CCDC178: variants seen among roughly 807,000 people sequenced by gnomAD.
CCDC178 encodes coiled-coil domain containing 178, also known as coiled-coil domain-containing protein 178.
Under a neutral mutation model 117.4 loss-of-function variants are expected in CCDC178, and 126 were observed. The observed-to-expected ratio is 1.07, with a 90% CI of 0.93 to 1.24. CCDC178 has a LOEUF of 1.24. CCDC178 is among the 50% of genes most tolerant of loss of function. The probability of loss-of-function intolerance (pLI) is 0.00; values close to 1 mark genes in which losing one functional copy is unlikely to be tolerated. For missense variants in CCDC178, 1,030 were observed against 986.9 expected (o/e 1.04, Z -0.59); for synonymous variants, 283 against 313.4 (o/e 0.90, Z 1.02).
chr18:33,417,533 T>TAA (rs1491256125), intron 2 of CCDC178, among the ~76,000 whole-genome samples: 1 of 39,448 alleles, frequency 2.5e-5, no homozygotes, highest in East Asian at 8.5e-4. Context: ...CACAGAGCTG[T>TAA]ATACACACAC....
chr18:33,408,249 A>G (rs1175248371), intron 3 of CCDC178, among the ~76,000 whole-genome samples: 1 of 152,026 alleles, frequency 6.6e-6, no homozygotes, highest in Non-Finnish European at 1.5e-5. Flanking sequence ...CAAACCATAA[A>G]AAAAATTAAT....
In CCDC178 at chr18:32,982,549, T is replaced by C. The variant is rs541638200; in HGVS notation, c.2389-7868A>G. On this transcript the variant is annotated intron_variant, in intron 21 of 22. Transcript: ENST00000383096. ...CATACAACTGCTGGATTCAAATCTGTGAAAGGGATTTTTGAAAATACCTTA... is the reference window on the plus strand; with the variant it reads ...CATACAACTGCTGGATTCAAATCTGCGAAAGGGATTTTTGAAAATACCTTA... Among the ~76,000 whole-genome samples, 6 of 152,282 alleles carry C rather than the reference T, an allele frequency of 3.9e-5. No homozygotes were observed. The South Asian group carries it at 1.2e-3, about 32-fold the overall frequency.
At chr18:33,284,887 T>G (rs2060078146) in intron 12 of CCDC178, among the ~76,000 whole-genome samples, 1 of 151,664 alleles carries the variant, frequency 6.6e-6, no homozygotes, top group Admixed American at 6.6e-5. Flanking sequence ...GAAATGCAAC[T>G]GTACTGTAGC....
At chr18:33,289,822 A>G (rs2060145494) in intron 12 of CCDC178, among the ~76,000 whole-genome samples, 1 of 152,164 alleles carries the variant, frequency 6.6e-6, no homozygotes, top group African/African-American at 2.4e-5. Flanking sequence ...GGAAAATTGA[A>G]TATATGTCAG....
chr18:33,216,451 A>G (rs1316784233), intron 18 of CCDC178, among the ~76,000 whole-genome samples: 1 of 152,010 alleles, frequency 6.6e-6, no homozygotes, highest in Non-Finnish European at 1.5e-5. Context: ...TTTGTGTTCA[A>G]ATGGAACTGA....
intron 20 of CCDC178, among the ~76,000 whole-genome samples, chr18:33,192,421 G>T (rs2058869796): frequency 6.6e-6 from 1 of 152,116 alleles, no homozygotes; most frequent in South Asian, 2.1e-4. Flanking sequence ...ACTTAATAGA[G>T]ACATGGAGAC....
At chr18:33,093,987 A>G (rs916102510) in intron 20 of CCDC178, among the ~76,000 whole-genome samples, 5 of 152,028 alleles carry the variant, frequency 3.3e-5, no homozygotes, top group Non-Finnish European at 5.9e-5. Context: ...CCCTTAGTAT[A>G]AGTTGTTAAA....
rs538783323 is a variant in CCDC178 at position 33,230,350 on chromosome 18, G to A, written c.1594-3495C>T. 8.5e-5 allele frequency among the ~76,000 whole-genome samples: 13 copies of A among 152,158 alleles called. No individual in the cohort carries two copies. The South Asian group carries it at 2.5e-3, about 29-fold the overall frequency. ...TGATAAAACCGAGGTCTAAGGTCAT[G>A]GAATTTGTCACAGGACCAGTCTTCA... On this transcript the variant is annotated intron_variant, in intron 15 of 22. Coordinates refer to ENST00000383096, the MANE Select transcript of CCDC178 (RefSeq NM_001105528.4).
chr18:32,991,262 T>C (rs1396379060), intron 21 of CCDC178, among the ~76,000 whole-genome samples: 7 of 152,196 alleles, frequency 4.6e-5, no homozygotes, highest in Non-Finnish European at 8.8e-5. Context: ...TGATAAATGT[T>C]TGCCGGGCAA....
At chr18:33,131,912 A>T (rs1314923207) in intron 20 of CCDC178, among the ~76,000 whole-genome samples, 1 of 151,726 alleles carries the variant, frequency 6.6e-6, no homozygotes, top group Admixed American at 6.6e-5. Context: ...GGCAAAACAG[A>T]ATTATAAAAT....
intron 14 of CCDC178, among the ~76,000 whole-genome samples, chr18:33,246,965 C>T (rs2059556775): frequency 6.6e-6 from 1 of 151,472 alleles, no homozygotes; most frequent in African/African-American, 2.4e-5. Flanking sequence ...TAATTGGGAC[C>T]AAGTAGGGTG....
chr18:33,059,361 CATCGT>C (rs1351327016), intron 21 of CCDC178, among the ~76,000 whole-genome samples: 1 of 152,148 alleles, frequency 6.6e-6, no homozygotes, highest in Non-Finnish European at 1.5e-5. Context: ...GCTTACTCTG[CATCGT>C]CACTTCCTCA....
intron 21 of CCDC178, among the ~76,000 whole-genome samples, chr18:33,071,055 T>C (rs1389865757): frequency 1.3e-5 from 2 of 151,936 alleles, no homozygotes; most frequent in Non-Finnish European, 2.9e-5. Context: ...GAGAAAATAG[T>C]ATGTGCTCCA....
In CCDC178 at chr18:33,271,454, A is replaced by G. The variant is rs76326568; in HGVS notation, c.1177-4157T>C. Among the ~76,000 whole-genome samples, 738 of 151,736 alleles carry G rather than the reference A, an allele frequency of 4.9e-3. 5 individuals carry two copies. The highest frequency in any genetic ancestry group is 0.017 in the African/African-American group (706 of 41,514). On this transcript the variant is annotated intron_variant, in intron 12 of 22. Coordinates refer to ENST00000383096, the MANE Select transcript of CCDC178 (RefSeq NM_001105528.4). ...AAGGAAGTCCATGCAAACATTAACC[A>G]TGTTAGAGCTGAAGTGGCTAGATTA...
chr18:33,188,216 C>T (rs2058818552), intron 20 of CCDC178, among the ~76,000 whole-genome samples: 1 of 151,992 alleles, frequency 6.6e-6, no homozygotes, highest in South Asian at 2.1e-4. Context: ...GTAATGTTCT[C>T]CAGAATGTGG....
chr18:33,192,514 GA>G (rs917431388), intron 20 of CCDC178, among the ~76,000 whole-genome samples: 2 of 152,102 alleles, frequency 1.3e-5, no homozygotes, highest in Admixed American at 6.5e-5. Flanking sequence ...CGGAGAAAAA[GA>G]AAAAAACACT....
At chr18:33,266,805 C>T in intron 14 of CCDC178, 111 bp downstream of exon 14, 1 of 1,104,810 alleles carries the variant, frequency 9.1e-7, no homozygotes, top group Non-Finnish European at 1.2e-6. Flanking sequence ...TTTTAAGCTA[C>T]TGATAAACAA....
chr18:33,416,630 C>T (rs2063945139), intron 2 of CCDC178, among the ~76,000 whole-genome samples: 1 of 152,082 alleles, frequency 6.6e-6, no homozygotes, highest in Admixed American at 6.5e-5. Flanking sequence ...CTCCCAGCAC[C>T]TCATGATCAT....
At chr18:33,280,599 C>A (rs985585800) in intron 12 of CCDC178, among the ~76,000 whole-genome samples, 53 of 151,828 alleles carry the variant, frequency 3.5e-4, no homozygotes, top group Non-Finnish European at 6.2e-4. Context: ...CATCCCATTA[C>A]TGGGTATATA....
Sources: allele counts gnomAD v4.1 joint callset (sites outside exome capture counted in the v4.1 genomes callset), GRCh38; gene constraint gnomAD v4.1.1; transcripts MANE v1.5; gene names NCBI Gene and HGNC (gene_info 2026-07-23, HGNC 2026-07-21).